SLC38A9: variants seen among roughly 807,000 people sequenced by gnomAD.
SLC38A9 encodes the protein solute carrier family 38 member 9, also known as neutral amino acid transporter 9.
A neutral mutation model predicts 62.3 loss-of-function variants in SLC38A9; 48 were observed. That is an observed-to-expected ratio of 0.77 (90% confidence interval 0.61 to 0.98). SLC38A9 has a LOEUF of 0.98. SLC38A9 is among the 50% of genes least tolerant of loss of function. The probability of loss-of-function intolerance (pLI) is 0.00; values close to 1 mark genes in which losing one functional copy is unlikely to be tolerated. For missense variants in SLC38A9, 541 were observed against 679.8 expected, an observed-to-expected ratio of 0.80 and a Z score of 2.27; for synonymous variants, 204 against 227.7, an observed-to-expected ratio of 0.90 and a Z score of 0.94.
intron 7 of SLC38A9, among the ~76,000 whole-genome samples, chr5:55,667,630 A>G (rs1012140359): frequency 3.3e-5 from 5 of 152,032 alleles, no homozygotes; most frequent in East Asian, 1.9e-4. Flanking sequence ...TTACGTTTCT[A>G]TATTATTTTC....
intron 3 of SLC38A9, among the ~76,000 whole-genome samples, chr5:55,682,942 TAGA>T (rs1753234321): frequency 5.3e-5 from 7 of 133,162 alleles, no homozygotes; most frequent in African/African-American, 1.7e-4. Flanking sequence ...GACAAAAGAA[TAGA>T]AGAAGGAAGG....
At chr5:55,676,353 T>A (rs13165502) in intron 3 of SLC38A9, among the ~76,000 whole-genome samples, 90,258 of 151,124 alleles carry the variant, frequency 0.6, 27,495 homozygotes, top group South Asian at 0.7. Flanking sequence ...TTAAAAAAAA[T>A]TTTTTTATAG....
At chr5:55,699,452 C>A (rs1393579457) in intron 2 of SLC38A9, among the ~76,000 whole-genome samples, 2 of 152,084 alleles carry the variant, frequency 1.3e-5, no homozygotes, top group East Asian at 3.9e-4. Context: ...TAAAGATACA[C>A]CTTCATCGCA....
At chr5:55,664,193 A>G (rs746739712) in intron 8 of SLC38A9, among the ~76,000 whole-genome samples, 1 of 152,098 alleles carries the variant, frequency 6.6e-6, no homozygotes, top group Non-Finnish European at 1.5e-5. Flanking sequence ...AACCTAAAAA[A>G]AATTATAAGA....
intron 3 of SLC38A9, among the ~76,000 whole-genome samples, chr5:55,687,426 C>CAAAAAAAAAAAA (rs34476189): frequency 1.3e-5 from 1 of 76,394 alleles, no homozygotes; most frequent in Admixed American, 1.9e-4. Context: ...GACTCCGTCT[C>CAAAAAAAAAAAA]AAAAAAAAAA....
In SLC38A9 at chr5:55,664,874, TAA is replaced by T; in HGVS notation, c.527-13_527-12del. On this transcript the variant is annotated splice_polypyrimidine_tract_variant and intron_variant, in intron 7 of 15. Coordinates refer to ENST00000396865, the MANE Select transcript of SLC38A9 (RefSeq NM_173514.4). ...TGGTATCCAACGAAACTAGATAAAATAAGAGAAAGAATAAAACTAAATGTTGA... is the reference window on the plus strand; with the variant it reads ...TGGTATCCAACGAAACTAGATAAAATGAGAAAGAATAAAACTAAATGTTGA... The T allele has an allele frequency of 6.7e-7, 1 of 1,499,070 alleles. No individual in the cohort carries two copies. Among genetic ancestry groups the T allele is most frequent in the South Asian group, 1.3e-5 (1 of 75,310 alleles). 92.9% of individuals were successfully genotyped at this position (1,499,070 alleles called of 1,614,324 possible). A position where few individuals can be genotyped will look rare whatever the true frequency, so the allele number is the denominator to read the frequency against.
At chr5:55,640,365 G>T (rs1365851502) in intron 12 of SLC38A9, among the ~76,000 whole-genome samples, 1 of 152,128 alleles carries the variant, frequency 6.6e-6, no homozygotes, top group Non-Finnish European at 1.5e-5. Context: ...TGTATTAGCT[G>T]AACCTAACAT....
At chr5:55,694,759 T>TCCTC (rs1561429631) in intron 3 of SLC38A9, among the ~76,000 whole-genome samples, 177 of 139,272 alleles carry the variant, frequency 1.3e-3, no homozygotes, top group Middle Eastern at 0.01. Context: ...CTCCTCTCCT[T>TCCTC]TCCTTTCCTT....
intron 8 of SLC38A9, among the ~76,000 whole-genome samples, chr5:55,657,544 T>A (rs1748674746): frequency 6.6e-6 from 1 of 151,292 alleles, no homozygotes; most frequent in Admixed American, 6.6e-5. Flanking sequence ...TAAGGCCATA[T>A]ACGAATTGTT....
chr5:55,706,491 G>A (rs1405188771), intron 2 of SLC38A9, among the ~76,000 whole-genome samples: 1 of 152,164 alleles, frequency 6.6e-6, no homozygotes, highest in Non-Finnish European at 1.5e-5. Flanking sequence ...GTGAAATCAA[G>A]GTTGGGGAAA....
At chr5:55,668,198 A>G (rs1396094618) in intron 7 of SLC38A9, among the ~76,000 whole-genome samples, 2 of 151,618 alleles carry the variant, frequency 1.3e-5, no homozygotes, top group Non-Finnish European at 2.9e-5. Context: ...AAGAAAAAAC[A>G]GTTATAGAGA....
chr5:55,673,748 A>G (rs1751692639), intron 3 of SLC38A9, among the ~76,000 whole-genome samples: 1 of 142,434 alleles, frequency 7.0e-6, no homozygotes, highest in African/African-American at 2.6e-5. Context: ...GTCTCACTCT[A>G]TCGCCTAGGC....
chr5:55,694,538 C>A (rs988917137), intron 3 of SLC38A9, among the ~76,000 whole-genome samples: 1 of 151,976 alleles, frequency 6.6e-6, no homozygotes, highest in African/African-American at 2.4e-5. Flanking sequence ...GACTCTACAT[C>A]AAAAAATAAT....
At chr5:55,678,667 T>G (rs1319976762) in intron 3 of SLC38A9, among the ~76,000 whole-genome samples, 2 of 141,014 alleles carry the variant, frequency 1.4e-5, no homozygotes, top group African/African-American at 5.2e-5. Context: ...TTTTTTTTTT[T>G]TTTTTTTGAG....
intron 8 of SLC38A9, among the ~76,000 whole-genome samples, chr5:55,658,974 C>T (rs771328928): frequency 3.3e-5 from 5 of 152,150 alleles, no homozygotes; most frequent in Admixed American, 1.3e-4. Flanking sequence ...TTTAATTCAT[C>T]ATATTGATAA....
At position 55,659,829 on chromosome 5, in the gene SLC38A9, G is replaced by A. The variant is rs539802028; in HGVS notation, c.698-3055C>T. Among the ~76,000 whole-genome samples, 8 of 151,594 alleles carry A rather than the reference G, an allele frequency of 5.3e-5. No individual in the cohort carries two copies. In the East Asian group the frequency reaches 1.2e-3, roughly 22 times the overall value. ...TGCCCAGGCTGGAGTGCAGTGGCAC[G>A]GTCTCCGCTCACTGCAAGCTCCGCC... On this transcript the variant is annotated intron_variant, in intron 8 of 15. Coordinates refer to ENST00000396865, the MANE Select transcript of SLC38A9 (RefSeq NM_173514.4).
At chr5:55,677,165 G>C (rs1752215423) in intron 3 of SLC38A9, among the ~76,000 whole-genome samples, 1 of 152,136 alleles carries the variant, frequency 6.6e-6, no homozygotes. Context: ...TAATTGAAAA[G>C]TGTGCAGAAG....
At position 55,637,643 on chromosome 5, in the gene SLC38A9, T is replaced by C. The variant is rs192429909; in HGVS notation, c.1168-1986A>G. 1.3e-3 allele frequency among the ~76,000 whole-genome samples: 199 copies of C among 152,326 alleles called. 1 individual carries two copies. The highest frequency in any genetic ancestry group is 0.01 in the Middle Eastern group (3 of 294). ...AATACCCAGGACCACGCCTGGTACATAGGAGGAACTTGGTAAATGTAGATA... is the reference window on the plus strand; with the variant it reads ...AATACCCAGGACCACGCCTGGTACACAGGAGGAACTTGGTAAATGTAGATA... On this transcript the variant is annotated intron_variant, in intron 12 of 15. Coordinates refer to ENST00000396865, the MANE Select transcript of SLC38A9 (RefSeq NM_173514.4).
At chr5:55,680,398 T>C (rs1037623979) in intron 3 of SLC38A9, among the ~76,000 whole-genome samples, 1 of 152,182 alleles carries the variant, frequency 6.6e-6, no homozygotes, top group Non-Finnish European at 1.5e-5. Flanking sequence ...GCATTGCCAA[T>C]GTGATGATAT....
Sources: allele counts gnomAD v4.1 joint callset (sites outside exome capture counted in the v4.1 genomes callset), GRCh38; gene constraint gnomAD v4.1.1; transcripts MANE v1.5; gene names NCBI Gene and HGNC (gene_info 2026-07-23, HGNC 2026-07-21).